AUTS2: variants seen among roughly 807,000 people sequenced by gnomAD.
AUTS2 encodes activator of transcription and developmental regulator AUTS2.
A neutral mutation model predicts 112.4 loss-of-function variants in AUTS2; 17 were observed. The ratio of observed to expected loss-of-function variants is 0.15; its 90% CI spans 0.10 to 0.23. The LOEUF is 0.23. Ranked by LOEUF, AUTS2 falls within the 10% of genes least tolerant of loss-of-function variation. The pLI is 1.00. For synonymous variants in AUTS2, 751 were observed against 702.7 expected, an observed-to-expected ratio of 1.07 and a Z score of -1.09; for missense variants, 1,510 against 1,701.6, an observed-to-expected ratio of 0.89 and a Z score of 1.98.
chr7:70,565,837 T>G (rs538574743), intron 5 of AUTS2, among the ~76,000 whole-genome samples: 1 of 152,366 alleles, frequency 6.6e-6, no homozygotes, highest in South Asian at 2.1e-4. Context: ...TTTGTGCTCA[T>G]GGACTCTGAA....
chr7:69,602,088 GTGTGTA>G (rs1359919748), intron 1 of AUTS2, among the ~76,000 whole-genome samples: 153 of 135,974 alleles, frequency 1.1e-3, no homozygotes, highest in Middle Eastern at 7.6e-3. Flanking sequence ...GTGTGTGTGT[GTGTGTA>G]TATCTCACTT....
intron 1 of AUTS2, among the ~76,000 whole-genome samples, chr7:69,711,507 A>G (rs756749731): frequency 1.3e-5 from 2 of 152,198 alleles, no homozygotes; most frequent in Non-Finnish European, 2.9e-5. Context: ...TGGGAAAACC[A>G]CTGTGGTTCT....
At chr7:69,788,114 T>A (rs1042498322) in intron 1 of AUTS2, among the ~76,000 whole-genome samples, 4 of 152,194 alleles carry the variant, frequency 2.6e-5, no homozygotes, top group Admixed American at 2.6e-4. Context: ...TCTCTTATCC[T>A]CTTCTCTGTA....
intron 1 of AUTS2, among the ~76,000 whole-genome samples, chr7:69,602,937 T>G (rs1424709344): frequency 1.3e-5 from 2 of 152,238 alleles, no homozygotes; most frequent in African/African-American, 2.4e-5. Context: ...CTATTCAGTC[T>G]GGAAGATTTA....
chr7:70,448,681 CAT>C (rs1796414061), intron 5 of AUTS2, among the ~76,000 whole-genome samples: 2 of 152,308 alleles, frequency 1.3e-5, no homozygotes, highest in South Asian at 4.1e-4. Context: ...AGCATGACAA[CAT>C]ATGTGGATTA....
In AUTS2 at chr7:69,599,510, T is replaced by C; in HGVS notation, c.-144T>C. 5.8e-6 allele frequency: 4 copies of C among 689,342 alleles called. No individual in the cohort carries two copies. The highest frequency in any genetic ancestry group is 8.0e-6 in the Non-Finnish European group (4 of 500,012). The allele number at this position is 689,342 out of a possible 1,614,324, so 42.7% of individuals were successfully genotyped here. On this transcript the variant is annotated 5_prime_UTR_variant, in exon 1 of 19. Transcript: ENST00000342771. The surrounding 1 kb of genome is among the most constrained non-coding windows in gnomAD (Gnocchi z 7.0). ...TCTCTTTCTTCCCCTCTCTCCCTTC[T>C]TTCGGCCGCCGTCTCCCCCGCGCCC...
intron 1 of AUTS2, among the ~76,000 whole-genome samples, chr7:69,609,300 T>C (rs1023753450): frequency 6.6e-6 from 1 of 152,152 alleles, no homozygotes; most frequent in Non-Finnish European, 1.5e-5. Flanking sequence ...TTGTAAAGCT[T>C]CCCATTTCAG....
At chr7:70,034,302 GTA>G (rs931522224) in intron 2 of AUTS2, among the ~76,000 whole-genome samples, 1 of 152,146 alleles carries the variant, frequency 6.6e-6, no homozygotes, top group Admixed American at 6.5e-5. Flanking sequence ...CATTAAATAA[GTA>G]ACTCTGTGAT....
intron 4 of AUTS2, among the ~76,000 whole-genome samples, chr7:70,261,904 T>C (rs1485734202): frequency 1.3e-5 from 2 of 152,322 alleles, no homozygotes; most frequent in Non-Finnish European, 2.9e-5. Flanking sequence ...TATTGTCTAT[T>C]TGGCTTATAG....
In AUTS2 at chr7:69,897,711, C is replaced by T. The variant is rs1348813242; in HGVS notation, c.310-1575C>T. On this transcript the variant is annotated intron_variant, in intron 1 of 18. Coordinates refer to ENST00000342771, the MANE Select transcript of AUTS2 (RefSeq NM_015570.4). ...GGCGGAGGTTACAGTGAGCCAAGGT[C>T]GTGCTGTTGCACTCCAACCTGGGCA... Among the ~76,000 whole-genome samples the T allele has an allele frequency of 3.9e-5, 6 of 151,966 alleles. No homozygotes were observed. The East Asian group carries it at 5.8e-4, about 15-fold the overall frequency.
At chr7:70,221,053 T>C (rs1420619905) in intron 4 of AUTS2, among the ~76,000 whole-genome samples, 1 of 152,146 alleles carries the variant, frequency 6.6e-6, no homozygotes, top group Non-Finnish European at 1.5e-5. Flanking sequence ...TATGTGTGTT[T>C]CACCACCATG....
chr7:70,682,467 T>C (rs905195651), intron 5 of AUTS2, among the ~76,000 whole-genome samples: 11 of 152,260 alleles, frequency 7.2e-5, no homozygotes, highest in African/African-American at 2.4e-4. Flanking sequence ...ATTTTTCTTA[T>C]TTCAAGTTTT....
intron 5 of AUTS2, among the ~76,000 whole-genome samples, chr7:70,648,635 G>T (rs891621374): frequency 6.6e-6 from 1 of 152,172 alleles, no homozygotes; most frequent in Non-Finnish European, 1.5e-5. Context: ...AGGCTGGAGT[G>T]CAGTGGCGTA....
intron 4 of AUTS2, among the ~76,000 whole-genome samples, chr7:70,263,345 T>C (rs1290465261): frequency 6.6e-6 from 1 of 152,174 alleles, no homozygotes. Flanking sequence ...ATGGGAAAAT[T>C]GGTGGGTTCC....
intron 2 of AUTS2, among the ~76,000 whole-genome samples, chr7:69,930,680 T>A (rs1255196748): frequency 1.3e-5 from 2 of 152,214 alleles, no homozygotes; most frequent in Non-Finnish European, 2.9e-5. Context: ...GAAATCTCTT[T>A]CAGCCAAGCT....
chr7:70,010,645 G>T (rs1799759643), intron 2 of AUTS2, among the ~76,000 whole-genome samples: 1 of 152,138 alleles, frequency 6.6e-6, no homozygotes, highest in Non-Finnish European at 1.5e-5. Context: ...TAGCCATGGA[G>T]ATTTTGCAGT....
At chr7:70,190,539 GT>G (rs1305567357) in intron 4 of AUTS2, among the ~76,000 whole-genome samples, 1 of 152,162 alleles carries the variant, frequency 6.6e-6, no homozygotes, top group Non-Finnish European at 1.5e-5. Flanking sequence ...CACAGGCTGG[GT>G]TGAGCTGAGT....
chr7:70,342,040 G>A (rs906976759), intron 4 of AUTS2, among the ~76,000 whole-genome samples: 20 of 152,318 alleles, frequency 1.3e-4, no homozygotes, highest in Middle Eastern at 3.4e-3. Context: ...TGCATTCGGG[G>A]CCTGGGACTA....
chr7:70,218,214 A>G (rs1004741473), intron 4 of AUTS2, among the ~76,000 whole-genome samples: 2 of 152,212 alleles, frequency 1.3e-5, no homozygotes, highest in Admixed American at 6.5e-5. Context: ...CCAAGGGGGC[A>G]GTGAGGCAGT....
Sources: gnomAD v4.1 joint callset for allele counts (sites outside exome capture counted in the v4.1 genomes callset) on GRCh38, gnomAD v4.1.1 for gene constraint, Gnocchi (gnomAD v3.1) non-coding constraint, MANE v1.5 for transcripts, NCBI Gene and HGNC (gene_info 2026-07-23, HGNC 2026-07-21) for gene names.